The following HIVEP3 variants were observed in gnomAD, a reference collection of about 807,000 sequenced individuals.
HIVEP3 encodes the protein transcription factor HIVEP3.
In HIVEP3, 49 loss-of-function variants were observed where a neutral mutation model predicts 152.8. That is an observed-to-expected ratio of 0.32 (90% CI 0.26 to 0.41). HIVEP3 has a LOEUF of 0.41. HIVEP3 is among the 10% of genes least tolerant of loss of function. The pLI is 1.00. For missense variants in HIVEP3, 2,790 were observed against 3,103.3 expected (o/e 0.90, Z 2.40); for synonymous variants, 1,269 against 1,289.0 (o/e 0.98, Z 0.33).
chr1:41,898,966 G>A (rs994144987), intron 1 of HIVEP3, among the ~76,000 whole-genome samples: 2 of 152,260 alleles, frequency 1.3e-5, no homozygotes, highest in Admixed American at 6.5e-5. Context: ...GAACAGTTCA[G>A]CCCCATGGGC....
intron 5 of HIVEP3, among the ~76,000 whole-genome samples, chr1:41,546,498 C>G (rs1643807401): frequency 6.6e-6 from 1 of 152,324 alleles, no homozygotes; most frequent in East Asian, 1.9e-4. Context: ...CAGGAAGTTT[C>G]TAAGTGAGGA....
At chr1:41,872,602 T>C (rs1468142893) in intron 1 of HIVEP3, among the ~76,000 whole-genome samples, 2 of 152,206 alleles carry the variant, frequency 1.3e-5, no homozygotes, top group African/African-American at 2.4e-5. Flanking sequence ...ATTCCCCCTA[T>C]AGATTAGTTT....
At chr1:42,002,595 C>T (rs1171210977) in intron 1 of HIVEP3, among the ~76,000 whole-genome samples, 1 of 152,162 alleles carries the variant, frequency 6.6e-6, no homozygotes, top group Admixed American at 6.5e-5. Context: ...CTCAGGGGTG[C>T]TTTTAAGATA....
At chr1:41,799,827 T>C (rs1650201462) in intron 1 of HIVEP3, among the ~76,000 whole-genome samples, 1 of 152,094 alleles carries the variant, frequency 6.6e-6, no homozygotes, top group Non-Finnish European at 1.5e-5. Flanking sequence ...TACAGGTCTC[T>C]TTTCATAGGG....
rs577360655 is a variant in HIVEP3, at chr1:41,675,131, C to G, written c.-721+25785G>C. Among the ~76,000 whole-genome samples, 242 of 152,292 alleles carry G rather than the reference C, an allele frequency of 1.6e-3. 1 individual carries two copies. Among genetic ancestry groups the G allele is most frequent in the African/African-American group, 5.7e-3 (236 of 41,538 alleles). ...GCTTTAATCCGTACCCCTGTGTGCC[C>G]CATGCCTGTCCTGCTTAAATCCTCT... On this transcript the variant is annotated intron_variant, in intron 2 of 8. Coordinates refer to ENST00000372583, the MANE Select transcript of HIVEP3 (RefSeq NM_024503.5).
At chr1:41,869,615 CAT>C (rs1644042912) in intron 1 of HIVEP3, 2 of 152,108 alleles carry the variant, frequency 1.3e-5, no homozygotes, top group Admixed American at 1.3e-4. Flanking sequence ...TTAAGGAGCA[CAT>C]GTGTTCTATA....
intron 1 of HIVEP3, among the ~76,000 whole-genome samples, chr1:41,964,301 A>G (rs1355534858): frequency 6.6e-6 from 1 of 152,194 alleles, no homozygotes; most frequent in East Asian, 1.9e-4. Flanking sequence ...CCCACCTGGG[A>G]GCCACACGGG....
intron 1 of HIVEP3, among the ~76,000 whole-genome samples, chr1:41,785,203 T>C (rs1298987911): frequency 6.6e-6 from 1 of 152,198 alleles, no homozygotes; most frequent in Middle Eastern, 3.2e-3. Context: ...CCCTCTTCTC[T>C]CTGGGATCTG....
chr1:41,745,858 G>T (rs1488882947), intron 1 of HIVEP3, among the ~76,000 whole-genome samples: 1 of 152,238 alleles, frequency 6.6e-6, no homozygotes, highest in African/African-American at 2.4e-5. Context: ...TGTTTCACAG[G>T]CCTCCTTGCT....
rs1016201816 is a variant in HIVEP3, at chr1:41,954,092, C to T, written n.120-35568G>A. On this transcript the variant is annotated intron_variant and non_coding_transcript_variant, in intron 1 of 3. Transcript: ENST00000489103. ...CTAAAAGGACTGCGCAGGGCCCACC[C>T]GCAAGGTTCCAGGACATGGAATAGA... 2.6e-5 allele frequency among the ~76,000 whole-genome samples: 4 copies of T among 152,296 alleles called. No individual in the cohort carries two copies. The East Asian group carries it at 5.8e-4, about 22-fold the overall frequency.
chr1:41,868,116 C>T (rs1433702651), intron 1 of HIVEP3, among the ~76,000 whole-genome samples: 2 of 152,154 alleles, frequency 1.3e-5, no homozygotes, highest in Non-Finnish European at 1.5e-5. Context: ...GATACTAACT[C>T]CAGCCACACT....
rs574046056 is a variant in HIVEP3 at position 41,832,467 on chromosome 1, G to T, written c.-801+85946C>A. On this transcript the variant is annotated intron_variant, in intron 1 of 8. Coordinates refer to ENST00000372583, the MANE Select transcript of HIVEP3 (RefSeq NM_024503.5). ...GATCACTTGAGCCTAGAACACAGAGGCTGCAGTGAGCCAAGATCATGCCAC... is the reference window on the plus strand; with the variant it reads ...GATCACTTGAGCCTAGAACACAGAGTCTGCAGTGAGCCAAGATCATGCCAC... Among the ~76,000 whole-genome samples, 11 of 152,290 alleles carry T rather than the reference G, an allele frequency of 7.2e-5. No individual in the cohort carries two copies. In the East Asian group the frequency reaches 2.1e-3, roughly 29 times the overall value.
At chr1:41,968,893 C>T (rs1645213640) in intron 1 of HIVEP3, among the ~76,000 whole-genome samples, 1 of 152,094 alleles carries the variant, frequency 6.6e-6, no homozygotes, top group African/African-American at 2.4e-5. Flanking sequence ...GCAAAAATCA[C>T]AAGCATTTCT....
intron 1 of HIVEP3, among the ~76,000 whole-genome samples, chr1:41,990,593 G>A (rs1341399410): frequency 6.1e-5 from 9 of 147,814 alleles, no homozygotes; most frequent in South Asian, 2.2e-4. Flanking sequence ...ACAGATCAAC[G>A]AGACAGAAAG....
At chr1:41,983,021 T>TA (rs1645302194) in intron 1 of HIVEP3, among the ~76,000 whole-genome samples, 1 of 152,218 alleles carries the variant, frequency 6.6e-6, no homozygotes, top group African/African-American at 2.4e-5. Context: ...GGCTTTAGTT[T>TA]GATTCTCAAA....
At position 41,664,841 on chromosome 1, in the gene HIVEP3, A is replaced by C. The variant is rs1645769694; in HGVS notation, c.-720-35894T>G. On this transcript the variant is annotated intron_variant, in intron 2 of 8. Coordinates refer to ENST00000372583, the MANE Select transcript of HIVEP3 (RefSeq NM_024503.5). The surrounding 1 kb of genome is among the most constrained non-coding windows in gnomAD (Gnocchi z 4.4). ...CTTGACAAACTCCTCTGCAGCCATC[A>C]GGGAGCCTGGGATATCCCCATGCCA... Among the ~76,000 whole-genome samples, 1 of 152,204 alleles carries C rather than the reference A, an allele frequency of 6.6e-6. No individual in the cohort carries two copies. The highest frequency in any genetic ancestry group is 1.5e-5 in the Non-Finnish European group (1 of 68,022).
intron 1 of HIVEP3, among the ~76,000 whole-genome samples, chr1:41,835,460 C>T (rs1643094472): frequency 6.6e-6 from 1 of 152,188 alleles, no homozygotes; most frequent in Non-Finnish European, 1.5e-5. Flanking sequence ...ACTCTTATAA[C>T]CTTATTTAAC....
chr1:41,790,539 T>G (rs1329383755), intron 1 of HIVEP3, among the ~76,000 whole-genome samples: 1 of 152,230 alleles, frequency 6.6e-6, no homozygotes, highest in African/African-American at 2.4e-5. Context: ...GCTTCTGTTT[T>G]CAGATGTACA....
At chr1:41,812,547 G>A (rs1651023943) in intron 1 of HIVEP3, among the ~76,000 whole-genome samples, 1 of 152,194 alleles carries the variant, frequency 6.6e-6, no homozygotes, top group African/African-American at 2.4e-5. Flanking sequence ...GACAATCTCA[G>A]CAGCTTTCTT....
Sources: gnomAD v4.1 joint callset for allele counts (sites outside exome capture counted in the v4.1 genomes callset) on GRCh38, gnomAD v4.1.1 for gene constraint, Gnocchi (gnomAD v3.1) non-coding constraint, MANE v1.5 for transcripts, NCBI Gene and HGNC (gene_info 2026-07-23, HGNC 2026-07-21) for gene names.